The following TUT1 variants were observed in gnomAD, a reference collection of about 807,000 sequenced individuals.
TUT1 encodes terminal uridylyl transferase 1, U6 snRNA-specific, also known as speckle targeted PIP5K1A-regulated poly(A) polymerase.
Under a neutral mutation model 48.8 loss-of-function variants are expected in TUT1, and 26 were observed. The observed-to-expected ratio is 0.53, with a 90% CI of 0.39 to 0.74. TUT1 has a LOEUF of 0.74. Ranked by LOEUF, TUT1 falls within the 30% of genes least tolerant of loss-of-function variation. The probability of loss-of-function intolerance (pLI) is 0.00; values close to 1 mark genes in which losing one functional copy is unlikely to be tolerated. For missense variants in TUT1, 1,065 were observed against 1,114.8 expected (o/e 0.96, Z 0.64); for synonymous variants, 470 against 460.8 (o/e 1.02, Z -0.26).
intron 2 of TUT1, among the ~76,000 whole-genome samples, chr11:62,585,824 G>A (rs943298885): frequency 5.3e-5 from 8 of 152,146 alleles, no homozygotes; most frequent in African/African-American, 9.7e-5. Context: ...GGCCTGGCAC[G>A]GTGGCGCACG....
rs375204996 is a variant in TUT1 at position 62,575,974 on chromosome 11, C to G, written c.1745G>C (p.Arg582Pro). 2.5e-6 allele frequency: 4 copies of G among 1,614,070 alleles called. No homozygotes were observed. Among genetic ancestry groups the G allele is most frequent in the South Asian group, 1.1e-5 (1 of 91,082 alleles). ...NYCRSLQYQRRSSRGRDWGLL... is the reference protein window; with the variant it reads ...NYCRSLQYQRPSSRGRDWGLL... ...CCCCCAGTCCCGACCCCGGGAGGAACGGCGCTGGTACTGGAGGCTTCGGCA... is the reference window on the plus strand; with the variant it reads ...CCCCCAGTCCCGACCCCGGGAGGAAGGGCGCTGGTACTGGAGGCTTCGGCA... Residue 582 changes from arginine to proline, a missense_variant, in exon 9 of 9, where the codon CGT becomes CCT. Coordinates refer to ENST00000476907, the MANE Select transcript of TUT1 (RefSeq NM_022830.3).
chr11:62,575,203 G>C lies in TUT1; in HGVS notation c.2516C>G (p.Ala839Gly), dbSNP rs781026577. Residue 839 changes from alanine to glycine, a missense_variant, in exon 9 of 9, where the codon GCT becomes GGT. Coordinates refer to ENST00000476907, the MANE Select transcript of TUT1 (RefSeq NM_022830.3). Reference sequence around the variant, plus strand: ...CGGGGTCACAGTGAGCATTCGGTCAGCCGGGGAGACAGACGCCACAAAGCT... The same window carrying C: ...CGGGGTCACAGTGAGCATTCGGTCACCCGGGGAGACAGACGCCACAAAGCT... Reference protein sequence around the residue: ...LLSFVASVSPADRMLTVTPLQ... With the variant: ...LLSFVASVSPGDRMLTVTPLQ... The C allele has an allele frequency of 4.3e-6, 7 of 1,613,156 alleles. No homozygotes were observed. In the South Asian group the frequency reaches 7.7e-5, roughly 18 times the overall value.
chr11:62,577,213 G>T lies in TUT1; in HGVS notation c.1239C>A (p.Leu413=). The stretch of plus-strand genomic sequence containing the variant: ...GCCCCCGACCCTGAGCCCAGCAGCG[G>T]AGGGTGTACACGAGGGGCCGGACTC... The part of the protein sequence containing the change: ...DGRVRPLVYT[L]RCWAQGRGLS... The change falls in exon 6 of 9, where the codon CTC becomes CTA. Residue 413 remains leucine (L), a synonymous_variant. Transcript: ENST00000476907. 6.2e-7 allele frequency: 1 copy of T among 1,610,672 alleles called. No homozygotes were observed. Among genetic ancestry groups the T allele is most frequent in the Non-Finnish European group, 8.5e-7 (1 of 1,179,006 alleles).
intron 4 of TUT1, among the ~76,000 whole-genome samples, chr11:62,580,480 A>T (rs1487871187): frequency 6.6e-6 from 1 of 151,834 alleles, no homozygotes; most frequent in African/African-American, 2.4e-5. Flanking sequence ...AATACACATA[A>T]GCAAAACTAA....
chr11:62,587,387 G>C (rs1046497581), intron 2 of TUT1, among the ~76,000 whole-genome samples: 1 of 152,038 alleles, frequency 6.6e-6, no homozygotes, highest in African/African-American at 2.4e-5. Context: ...CTCCATGTTG[G>C]TCAGGCTGAT....
chr11:62,575,402 G>C lies in TUT1; in HGVS notation c.2317C>G (p.Arg773Gly). 1 of 1,611,944 alleles carries C rather than the reference G, an allele frequency of 6.2e-7. No homozygotes were observed. The highest frequency in any genetic ancestry group is 8.5e-7 in the Non-Finnish European group (1 of 1,180,008). Reference protein sequence around the residue: ...SASWRCALWHRVWQGRRRARR... With the variant: ...SASWRCALWHGVWQGRRRARR... ...GCTCGCCGCCGCCCTTGCCACACTC[G>C]GTGCCACAAGGCACAGCGCCAGCTC... Residue 773 changes from arginine (R) to glycine (G), a missense_variant, in exon 9 of 9, where the codon CGA becomes GGA. Transcript: ENST00000476907.
rs779811606 is a variant in TUT1 at position 62,575,306 on chromosome 11, C to T, written c.2413G>A (p.Ala805Thr). 1.2e-6 allele frequency: 2 copies of T among 1,614,204 alleles called. No individual in the cohort carries two copies. The highest frequency in any genetic ancestry group is 1.3e-5 in the African/African-American group (1 of 75,054). Reference sequence around the variant, plus strand: ...TCCTGGGTGACCTGAGCCTCAGTCGCCAGCCACCCTGCTCTTGTGCCAGCG... The same window carrying T: ...TCCTGGGTGACCTGAGCCTCAGTCGTCAGCCACCCTGCTCTTGTGCCAGCG... ...GGAGTRAGWL[A>T]TEAQVTQELK... The change falls in exon 9 of 9, where the codon GCG becomes ACG. Residue 805 changes from alanine to threonine, a missense_variant. By Grantham distance (58) the Ala-to-Thr change is moderately conservative. Transcript: ENST00000476907.
chr11:62,577,001 G>A lies in TUT1; in HGVS notation c.1287C>T (p.Leu429=), dbSNP rs757359555. 93 of 1,614,072 alleles carry A rather than the reference G, an allele frequency of 5.8e-5. 1 individual carries two copies. The South Asian group carries it at 9.4e-4, about 16-fold the overall frequency. ...GRGLSGSGPL[L]SNYALTLLVI... is the part of the protein sequence containing the mutation. Reference sequence around the variant, plus strand: ...CCAGCAAGGTCAGGGCGTAGTTACTGAGAAGGGGGCCACTCCCTGGGTAAA... The same window carrying A: ...CCAGCAAGGTCAGGGCGTAGTTACTAAGAAGGGGGCCACTCCCTGGGTAAA... The change falls in exon 7 of 9, where the codon CTC becomes CTT. Residue 429 remains leucine, a synonymous_variant. Coordinates refer to ENST00000476907, the MANE Select transcript of TUT1 (RefSeq NM_022830.3).
chr11:62,578,266 G>C (rs1941762007), intron 5 of TUT1, among the ~76,000 whole-genome samples: 1 of 151,308 alleles, frequency 6.6e-6, no homozygotes, highest in Admixed American at 6.6e-5. Flanking sequence ...CTGCCCCAAA[G>C]AAAGGTATGG....
In TUT1 at chr11:62,576,032, G is replaced by A. The variant is rs1173483743; in HGVS notation, c.1687C>T (p.Leu563=). Residue 563 remains leucine (L), a synonymous_variant, in exon 9 of 9, where the codon CTA becomes TTA. Coordinates refer to ENST00000476907, the MANE Select transcript of TUT1 (RefSeq NM_022830.3). The part of the protein sequence containing the change: ...ANVTSRVAGR[L]QNCCRAAANY... ...GCTGCTGCTCGGCAGCAGTTCTGTA[G>A]GCGCCCAGCCACCCGGCTGGTCACA... 3.1e-6 allele frequency: 5 copies of A among 1,613,820 alleles called. No individual in the cohort carries two copies. The highest frequency in any genetic ancestry group is 4.2e-6 in the Non-Finnish European group (5 of 1,180,030).
rs965930053 is a variant in TUT1, at chr11:62,575,533, T to C, written c.2186A>G (p.Gln729Arg). 1 of 1,613,704 alleles carries C rather than the reference T, an allele frequency of 6.2e-7. No homozygotes were observed. Among genetic ancestry groups the C allele is most frequent in the African/African-American group, 1.3e-5 (1 of 74,928 alleles). ...GKHGAPGEEG[Q>R]PSHAALAERG... ...CTCTGCCAGGGCTGCGTGGCTGGGCTGCCCCTCTTCTCCAGGGGCTCCATG... is the reference window on the plus strand; with the variant it reads ...CTCTGCCAGGGCTGCGTGGCTGGGCCGCCCCTCTTCTCCAGGGGCTCCATG... The change falls in exon 9 of 9, where the codon CAG (glutamine) becomes CGG (arginine). Residue 729 changes from glutamine to arginine, a missense_variant. By Grantham distance (43) the Gln-to-Arg change is conservative (BLOSUM62 1). Coordinates refer to ENST00000476907, the MANE Select transcript of TUT1 (RefSeq NM_022830.3).
intron 2 of TUT1, among the ~76,000 whole-genome samples, chr11:62,587,343 C>T (rs1441079301): frequency 6.6e-6 from 1 of 151,850 alleles, no homozygotes; most frequent in African/African-American, 2.4e-5. Flanking sequence ...CACCACGCCC[C>T]GCTAATTTTG....
chr11:62,585,188 A>C (rs958431621), intron 2 of TUT1, among the ~76,000 whole-genome samples: 1 of 152,112 alleles, frequency 6.6e-6, no homozygotes, highest in African/African-American at 2.4e-5. Context: ...TGATGTGATT[A>C]TAGCTCACTG....
At position 62,575,153 on chromosome 11, in the gene TUT1, G is replaced by T. The variant is rs762224955; in HGVS notation, c.2566C>A (p.Pro856Thr). The change falls in exon 9 of 9, where the codon CCT becomes ACT. Residue 856 changes from proline to threonine, a missense_variant. By Grantham distance (38) the Pro-to-Thr change is conservative. Transcript: ENST00000476907. The stretch of plus-strand genomic sequence containing the variant: ...ACCTGTAAGAAATGATGGAGATCAG[G>T]GAACAGGCCTTGGGGATCCTGGAGC... ...TPLQDPQGLFPDLHHFLQVFL... is the reference protein window; with the variant it reads ...TPLQDPQGLFTDLHHFLQVFL... 1 of 1,599,080 alleles carries T rather than the reference G, an allele frequency of 6.3e-7. No homozygotes were observed.
chr11:62,575,793 C>T lies in TUT1; in HGVS notation c.1926G>A (p.Thr642=). Residue 642 remains threonine (T), a synonymous_variant, in exon 9 of 9, where the codon ACG becomes ACA. Transcript: ENST00000476907. ...CCCCAGTTCCACCTCCTTCTGACCG[C>T]GTTCTCTTGGTTGCCTGTTCTATAT... ...GCHIEQATKR[T]RSEGGGTGES... 2 of 1,614,202 alleles carry T rather than the reference C, an allele frequency of 1.2e-6. No homozygotes were observed. The highest frequency in any genetic ancestry group is 1.1e-5 in the South Asian group (1 of 91,082).
At chr11:62,589,291 AC>A (rs1368851601) in intron 1 of TUT1, 70 bp from the exon 2 acceptor site, 3 of 1,460,108 alleles carry the variant, frequency 2.1e-6, no homozygotes, top group African/African-American at 1.4e-5. Flanking sequence ...CTCTCTGCAT[AC>A]CTAAATCTTA....
rs1418902773 is a variant in TUT1, at chr11:62,575,208, G to C, written c.2511C>G (p.Ser837=). Residue 837 remains serine (S), a synonymous_variant, in exon 9 of 9, where the codon TCC becomes TCG. Coordinates refer to ENST00000476907, the MANE Select transcript of TUT1 (RefSeq NM_022830.3). ...TCACAGTGAGCATTCGGTCAGCCGGGGAGACAGACGCCACAAAGCTCAGCA... is the reference window on the plus strand; with the variant it reads ...TCACAGTGAGCATTCGGTCAGCCGGCGAGACAGACGCCACAAAGCTCAGCA... ...EPLLSFVASV[S]PADRMLTVTP... The C allele has an allele frequency of 2.5e-6, 4 of 1,613,178 alleles. No individual in the cohort carries two copies. In the Admixed American group the frequency reaches 6.7e-5, roughly 27 times the overall value.
chr11:62,586,454 C>T (rs1941916864), intron 2 of TUT1, among the ~76,000 whole-genome samples: 1 of 152,214 alleles, frequency 6.6e-6, no homozygotes, highest in African/African-American at 2.4e-5. Context: ...GCTTAGCACA[C>T]AATTGATGCA....
At chr11:62,590,853 C>T (rs1015997619) in intron 1 of TUT1, among the ~76,000 whole-genome samples, 7 of 151,878 alleles carry the variant, frequency 4.6e-5, no homozygotes, top group African/African-American at 9.7e-5. Flanking sequence ...CAGTGAACCC[C>T]TTGTGTGTCA....
Sources: gnomAD v4.1 joint callset for allele counts (sites outside exome capture counted in the v4.1 genomes callset) on GRCh38, gnomAD v4.1.1 for gene constraint, MANE v1.5 for transcripts, NCBI Gene and HGNC (gene_info 2026-07-23, HGNC 2026-07-21) for gene names.